INPP4B: variants seen among roughly 807,000 people sequenced by gnomAD.
INPP4B encodes the protein inositol polyphosphate-4-phosphatase type II B, also known as inositol polyphosphate 4-phosphatase type II.
In INPP4B, 55 loss-of-function variants were observed where a neutral mutation model predicts 122.5. The observed-to-expected ratio is 0.45, with a 90% CI of 0.36 to 0.56. INPP4B has a LOEUF of 0.56. Ranked by LOEUF, INPP4B falls within the 20% of genes least tolerant of loss-of-function variation. INPP4B has a pLI of 0.00. For missense variants in INPP4B, 1,000 were observed against 1,097.7 expected (o/e 0.91, Z 1.26); for synonymous variants, 403 against 388.7 (o/e 1.04, Z -0.43).
Position 142,811,543 on chromosome 4 carries a change from C to T in INPP4B, c.-254+34666G>A, listed in dbSNP as rs992070568. On this transcript the variant is annotated intron_variant, in intron 1 of 25. Coordinates refer to ENST00000262992, the MANE Select transcript of INPP4B (RefSeq NM_001101669.3). Reference sequence around the variant, plus strand: ...GGCATTCTAGTTATTGACAGCTTCCCAGAAATAGTATATCACATTGATACA... The same window carrying T: ...GGCATTCTAGTTATTGACAGCTTCCTAGAAATAGTATATCACATTGATACA... Among the ~76,000 whole-genome samples, 4 of 152,170 alleles carry T rather than the reference C, an allele frequency of 2.6e-5. No homozygotes were observed. The South Asian group carries it at 6.2e-4, about 24-fold the overall frequency.
intron 5 of INPP4B, among the ~76,000 whole-genome samples, chr4:142,416,696 A>G (rs1805843632): frequency 6.6e-6 from 1 of 152,164 alleles, no homozygotes; most frequent in Non-Finnish European, 1.5e-5. Flanking sequence ...GGCAAGAACC[A>G]GTTTTGAAGT....
At chr4:142,101,464 A>G (rs1284552343) in intron 23 of INPP4B, among the ~76,000 whole-genome samples, 2 of 152,132 alleles carry the variant, frequency 1.3e-5, no homozygotes, top group Middle Eastern at 3.2e-3. Context: ...TCTCTCTGAT[A>G]TATGTACCAA....
chr4:142,781,721 T>C (rs1276405569), intron 1 of INPP4B, among the ~76,000 whole-genome samples: 1 of 152,142 alleles, frequency 6.6e-6, no homozygotes, highest in Non-Finnish European at 1.5e-5. Context: ...CTTTATAAAT[T>C]AGGATTTACA....
chr4:142,068,126 G>A (rs537345480), intron 25 of INPP4B, among the ~76,000 whole-genome samples: 44 of 152,264 alleles, frequency 2.9e-4, no homozygotes, highest in African/African-American at 8.2e-4. Context: ...GACTAACAGC[G>A]GATCTCTCAG....
intron 18 of INPP4B, among the ~76,000 whole-genome samples, chr4:142,127,779 T>A (rs1261382421): frequency 6.6e-6 from 1 of 152,100 alleles, no homozygotes; most frequent in African/African-American, 2.4e-5. Flanking sequence ...AAAAATACAT[T>A]TTTTTTCTAG....
intron 5 of INPP4B, among the ~76,000 whole-genome samples, chr4:142,414,466 G>T (rs1465452133): frequency 6.6e-6 from 1 of 152,096 alleles, no homozygotes; most frequent in Non-Finnish European, 1.5e-5. Flanking sequence ...GGTGCTCTTG[G>T]GAAATGCTCT....
intron 5 of INPP4B, among the ~76,000 whole-genome samples, chr4:142,409,323 T>G (rs1487876200): frequency 3.3e-5 from 5 of 152,086 alleles, no homozygotes; most frequent in Non-Finnish European, 7.4e-5. Context: ...CAAAACCCCA[T>G]CTCTACTAAA....
chr4:142,753,169 C>T (rs1027264473), intron 1 of INPP4B, among the ~76,000 whole-genome samples: 4 of 152,060 alleles, frequency 2.6e-5, no homozygotes, highest in African/African-American at 9.7e-5. Flanking sequence ...TAAGACCGTT[C>T]TTACACCAAC....
intron 15 of INPP4B, among the ~76,000 whole-genome samples, chr4:142,177,241 G>T (rs1828741859): frequency 8.0e-6 from 1 of 124,440 alleles, no homozygotes; most frequent in Non-Finnish European, 1.7e-5. Context: ...CAGGATGAAA[G>T]GATGAAATAG....
intron 8 of INPP4B, among the ~76,000 whole-genome samples, chr4:142,309,146 T>TA (rs1411210991): frequency 3.9e-5 from 6 of 152,104 alleles, no homozygotes; most frequent in African/African-American, 1.4e-4. Flanking sequence ...ACATCTCCCA[T>TA]AAATAGAACT....
intron 12 of INPP4B, among the ~76,000 whole-genome samples, chr4:142,226,089 TAAAC>T (rs1336608964): frequency 2.0e-5 from 3 of 152,138 alleles, no homozygotes; most frequent in African/African-American, 7.2e-5. Context: ...ATACTCAACA[TAAAC>T]AAAATATATG....
At chr4:142,088,913 T>A (rs970051087) in intron 23 of INPP4B, among the ~76,000 whole-genome samples, 5 of 152,156 alleles carry the variant, frequency 3.3e-5, no homozygotes, top group Admixed American at 1.3e-4. Flanking sequence ...GGCTATGACA[T>A]AACTCAGTAA....
intron 18 of INPP4B, among the ~76,000 whole-genome samples, chr4:142,126,856 C>A (rs1376042808): frequency 6.6e-6 from 1 of 151,934 alleles, no homozygotes; most frequent in South Asian, 2.1e-4. Context: ...TTCATATTTG[C>A]ATTTTTATCT....
chr4:142,254,645 GTT>G (rs1377311477), intron 11 of INPP4B, among the ~76,000 whole-genome samples: 2 of 151,996 alleles, frequency 1.3e-5, no homozygotes, highest in African/African-American at 4.8e-5. Flanking sequence ...GAGAAGGGAA[GTT>G]TAGAGAAAAA....
intron 12 of INPP4B, among the ~76,000 whole-genome samples, chr4:142,234,180 A>T (rs1294499922): frequency 6.6e-6 from 1 of 152,226 alleles, no homozygotes; most frequent in Non-Finnish European, 1.5e-5. Flanking sequence ...AAAATTATTT[A>T]GCAATGTCCA....
At chr4:142,830,965 C>T (rs748995314) in intron 1 of INPP4B, among the ~76,000 whole-genome samples, 6 of 151,010 alleles carry the variant, frequency 4.0e-5, no homozygotes, top group Non-Finnish European at 7.4e-5. Flanking sequence ...GAGGCTACAG[C>T]GAGCCAAGAT....
At position 142,362,718 on chromosome 4, in the gene INPP4B, A is replaced by T. The variant is rs199771234; in HGVS notation, c.372+40220T>A. ...GATGCAGTTGGAGGCCATTATCCCA[A>T]GAGAATTGATGCAGGACCAGAAAAC... On this transcript the variant is annotated intron_variant, in intron 7 of 25. Transcript: ENST00000262992. 3.3e-5 allele frequency among the ~76,000 whole-genome samples: 5 copies of T among 152,152 alleles called. No homozygotes were observed. The East Asian group carries it at 5.8e-4, about 18-fold the overall frequency.
chr4:142,377,421 G>A (rs540687289), intron 7 of INPP4B, among the ~76,000 whole-genome samples: 3 of 152,164 alleles, frequency 2.0e-5, no homozygotes, highest in Admixed American at 1.3e-4. Flanking sequence ...CAGTTTGAAT[G>A]ATGTCTCAAA....
At chr4:142,692,263 C>T (rs529986858) in intron 2 of INPP4B, among the ~76,000 whole-genome samples, 1 of 151,786 alleles carries the variant, frequency 6.6e-6, no homozygotes, top group East Asian at 1.9e-4. Flanking sequence ...CTAAAACAAA[C>T]AAAAAATACT....
Sources: gnomAD v4.1 joint callset for allele counts (sites outside exome capture counted in the v4.1 genomes callset) on GRCh38, gnomAD v4.1.1 for gene constraint, MANE v1.5 for transcripts, NCBI Gene and HGNC (gene_info 2026-07-23, HGNC 2026-07-21) for gene names.